The following EPB41L4A variants were observed in gnomAD, a reference collection of about 807,000 sequenced individuals.
EPB41L4A encodes band 4.1-like protein 4A.
In EPB41L4A, 100 loss-of-function variants were observed where a neutral mutation model predicts 108.6. The ratio of observed to expected loss-of-function variants is 0.92; its 90% CI spans 0.78 to 1.09. The LOEUF (loss-of-function observed/expected upper bound fraction) is 1.09. Ranked by LOEUF, EPB41L4A falls within the 50% of genes least tolerant of loss-of-function variation. The pLI is 0.00. For missense variants in EPB41L4A, 1,030 were observed against 842.7 expected (o/e 1.22, Z -2.75); for synonymous variants, 319 against 289.0 (o/e 1.10, Z -1.05).
chr5:112,397,552 GAA>G (rs998506411), intron 1 of EPB41L4A, among the ~76,000 whole-genome samples: 8 of 151,244 alleles, frequency 5.3e-5, no homozygotes, highest in Admixed American at 5.3e-4. Flanking sequence ...TAGTAATTCT[GAA>G]AAAAAATTTA....
intron 1 of EPB41L4A, among the ~76,000 whole-genome samples, chr5:112,418,233 C>A (rs1762829757): frequency 6.6e-6 from 1 of 152,224 alleles, no homozygotes. Context: ...GTTGTCACTA[C>A]AAACATACGT....
chr5:112,373,534 G>T (rs549598028), intron 1 of EPB41L4A, among the ~76,000 whole-genome samples: 1 of 152,286 alleles, frequency 6.6e-6, no homozygotes, highest in East Asian at 1.9e-4. Flanking sequence ...TCAAACACTT[G>T]TTATGTGTCA....
intron 4 of EPB41L4A, among the ~76,000 whole-genome samples, chr5:112,273,246 T>G (rs1406964722): frequency 6.6e-6 from 1 of 152,238 alleles, no homozygotes; most frequent in Non-Finnish European, 1.5e-5. Flanking sequence ...GGACACTAAT[T>G]GCAAGCCATC....
chr5:112,282,451 T>C (rs1753025216), intron 2 of EPB41L4A, among the ~76,000 whole-genome samples: 1 of 152,236 alleles, frequency 6.6e-6, no homozygotes, highest in African/African-American at 2.4e-5. Flanking sequence ...CGTAACAAAT[T>C]ACCACAAGCT....
At position 112,396,999 on chromosome 5, in the gene EPB41L4A, A is replaced by G. The variant is rs144324727; in HGVS notation, c.99+21942T>C. ...TGTTTGATTCATGGGTATATTGCAT[A>G]CCCATGGGAACTGGGCTTCTAGTCT... On this transcript the variant is annotated intron_variant, in intron 1 of 22. Transcript: ENST00000261486. Among the ~76,000 whole-genome samples the G allele has an allele frequency of 2.0e-3, 304 of 152,280 alleles. 1 individual carries two copies. Among genetic ancestry groups the G allele is most frequent in the Non-Finnish European group, 3.0e-3 (202 of 68,010 alleles).
chr5:112,231,791 CAAAAAAAAAAAA>C (rs777370941), intron 12 of EPB41L4A, among the ~76,000 whole-genome samples: 4 of 37,624 alleles, frequency 1.1e-4, no homozygotes, highest in East Asian at 9.0e-4. Flanking sequence ...GACTCCGTCT[CAAAAAAAAAAAA>C]AAAAAAAAAA....
rs184053383 is a variant in EPB41L4A at position 112,178,634 on chromosome 5, A to G, written c.1622+5382T>C. ...TTAGAATAATAATAATATTTGTAGA[A>G]AATCCTGAAATATTTGGAAATTAAA... On this transcript the variant is annotated intron_variant, in intron 18 of 22. Transcript: ENST00000261486. Among the ~76,000 whole-genome samples, 541 of 152,116 alleles carry G rather than the reference A, an allele frequency of 3.6e-3. 3 individuals carry two copies. Among genetic ancestry groups the G allele is most frequent in the African/African-American group, 0.012 (515 of 41,546 alleles).
chr5:112,184,220 T>A, intron 17 of EPB41L4A, 85 bp from the exon 18 acceptor site: 1 of 1,502,510 alleles, frequency 6.7e-7, no homozygotes, highest in Non-Finnish European at 9.0e-7. Flanking sequence ...TTAAATGTTA[T>A]TTAAGCAGCA....
intron 1 of EPB41L4A, among the ~76,000 whole-genome samples, chr5:112,314,889 C>A (rs1168141755): frequency 6.6e-6 from 1 of 152,124 alleles, no homozygotes; most frequent in East Asian, 1.9e-4. Context: ...GGGGAATTCA[C>A]AAGATGCCAC....
intron 12 of EPB41L4A, among the ~76,000 whole-genome samples, chr5:112,217,902 A>G (rs1199863699): frequency 1.3e-5 from 2 of 152,138 alleles, no homozygotes; most frequent in Admixed American, 1.3e-4. Context: ...CTATGCATGA[A>G]AGGCCCCCTC....
chr5:112,246,978 C>A (rs1750284014), intron 9 of EPB41L4A, among the ~76,000 whole-genome samples: 1 of 152,208 alleles, frequency 6.6e-6, no homozygotes, highest in African/African-American at 2.4e-5. Flanking sequence ...AATAAATCTC[C>A]TAAAATGATT....
chr5:112,399,979 A>G (rs1046267568), intron 1 of EPB41L4A, among the ~76,000 whole-genome samples: 1 of 152,230 alleles, frequency 6.6e-6, no homozygotes, highest in Non-Finnish European at 1.5e-5. Context: ...CCGTTCTTGC[A>G]TTGCTATAAA....
At chr5:112,381,008 A>G (rs1052983353) in intron 1 of EPB41L4A, among the ~76,000 whole-genome samples, 6 of 152,182 alleles carry the variant, frequency 3.9e-5, no homozygotes, top group Non-Finnish European at 8.8e-5. Context: ...GTTCCAATTC[A>G]AAAATTTTTA....
intron 2 of EPB41L4A, among the ~76,000 whole-genome samples, chr5:112,294,477 T>G (rs1753864047): frequency 6.6e-6 from 1 of 152,100 alleles, no homozygotes; most frequent in African/African-American, 2.4e-5. Flanking sequence ...ATGGTATTAT[T>G]CAATAGACAC....
chr5:112,237,451 C>T lies in EPB41L4A; in HGVS notation c.965+2209G>A, dbSNP rs184735682. On this transcript the variant is annotated intron_variant, in intron 11 of 22. Transcript: ENST00000261486. ...CTAGAACTCTTGTCTTCCTCCATCACATATATGTATGGTGCACAACCACAA... is the reference window on the plus strand; with the variant it reads ...CTAGAACTCTTGTCTTCCTCCATCATATATATGTATGGTGCACAACCACAA... 9.3e-4 allele frequency among the ~76,000 whole-genome samples: 142 copies of T among 152,266 alleles called. 2 individuals are homozygous for T. The Middle Eastern group carries it at 0.014, about 15-fold the overall frequency.
rs1351504733 is a variant in EPB41L4A, at chr5:112,165,203, C to T, written c.1933-85G>A. The T allele has an allele frequency of 5.7e-6, 6 of 1,055,916 alleles. No homozygotes were observed. In the African/African-American group the frequency reaches 8.1e-5, roughly 14 times the overall value. The allele number at this position is 1,055,916 out of a possible 1,614,324, so 65.4% of individuals were successfully genotyped here. On this transcript the variant is annotated intron_variant, in intron 22 of 22. Coordinates refer to ENST00000261486, the MANE Select transcript of EPB41L4A (RefSeq NM_022140.5). Reference sequence around the variant, plus strand: ...TAATTACATCAGAAACCAAGCTGCTCTTAAATTTAAGATACTGAGTTAATT... The same window carrying T: ...TAATTACATCAGAAACCAAGCTGCTTTTAAATTTAAGATACTGAGTTAATT...
intron 12 of EPB41L4A, among the ~76,000 whole-genome samples, chr5:112,210,676 G>A (rs1187554730): frequency 6.6e-6 from 1 of 152,118 alleles, no homozygotes; most frequent in African/African-American, 2.4e-5. Flanking sequence ...CTGGGCCCAT[G>A]TAGGAGGTCA....
intron 1 of EPB41L4A, among the ~76,000 whole-genome samples, chr5:112,343,538 T>C (rs750527320): frequency 3.3e-5 from 5 of 152,118 alleles, no homozygotes; most frequent in Admixed American, 6.6e-5. Context: ...TATGCTGTTG[T>C]TGGTGTTGCC....
chr5:112,259,412 C>T (rs1751339023), intron 8 of EPB41L4A, 120 bp from the exon 9 acceptor site: 1 of 752,010 alleles, frequency 1.3e-6, no homozygotes, highest in Admixed American at 2.0e-5. Flanking sequence ...CTGCTCCATA[C>T]CCAGTACATA....
Sources: allele counts gnomAD v4.1 joint callset (sites outside exome capture counted in the v4.1 genomes callset), GRCh38; gene constraint gnomAD v4.1.1; transcripts MANE v1.5; gene names NCBI Gene and HGNC (gene_info 2026-07-23, HGNC 2026-07-21).